Variants in ATP8A2 observed in about 807,000 individuals in gnomAD.
ATP8A2 encodes phospholipid-transporting ATPase IB.
Under a neutral mutation model 165.6 loss-of-function variants are expected in ATP8A2, and 100 were observed. The observed-to-expected ratio is 0.60, with a 90% CI of 0.51 to 0.71. The LOEUF is 0.71. Among genes scored for constraint, ATP8A2 ranks in the 30% least tolerant of loss-of-function variants. The probability of loss-of-function intolerance (pLI) is 0.00; values close to 1 mark genes in which losing one functional copy is unlikely to be tolerated. For missense variants in ATP8A2, 1,227 were observed against 1,479.5 expected (o/e 0.83, Z 2.80); for synonymous variants, 543 against 548.8 (o/e 0.99, Z 0.15).
intron 9 of ATP8A2, 46 bp from the exon 10 acceptor site, chr13:25,543,245 A>C (rs1338588304): frequency 2.4e-6 from 3 of 1,253,320 alleles, no homozygotes; most frequent in Non-Finnish European, 3.5e-6. Flanking sequence ...ACTCATGCTT[A>C]TTTTCCAGAC....
At chr13:25,932,742 T>C (rs1478213549) in intron 33 of ATP8A2, among the ~76,000 whole-genome samples, 1 of 152,246 alleles carries the variant, frequency 6.6e-6, no homozygotes, top group Admixed American at 6.5e-5. Context: ...AAGTCAGTTA[T>C]GAGGTTTAGA....
Position 26,020,090 on chromosome 13 carries a change from G to A in ATP8A2, c.*105G>A. The A allele has an allele frequency of 1.2e-6, 1 of 807,062 alleles. No homozygotes were observed. Among genetic ancestry groups the A allele is most frequent in the South Asian group, 1.6e-5 (1 of 63,102 alleles). The allele number at this position is 807,062 out of a possible 1,614,324, so 50.0% of individuals were successfully genotyped here. A position where few individuals can be genotyped will look rare whatever the true frequency, so the allele number is the denominator to read the frequency against. Reference sequence around the variant, plus strand: ...ACTGGCGTCAGCAGCCAAAACACCAGGAAACACATTTCTGTGGCCTTAGCC... The same window carrying A: ...ACTGGCGTCAGCAGCCAAAACACCAAGAAACACATTTCTGTGGCCTTAGCC... On this transcript the variant is annotated 3_prime_UTR_variant, in exon 37 of 37. Coordinates refer to ENST00000381655, the MANE Select transcript of ATP8A2 (RefSeq NM_016529.6).
At chr13:25,640,230 A>G (rs2041481424) in intron 24 of ATP8A2, among the ~76,000 whole-genome samples, 1 of 152,220 alleles carries the variant, frequency 6.6e-6, no homozygotes, top group South Asian at 2.1e-4. Flanking sequence ...AAAAGCTAGC[A>G]GAAGGCAAGA....
intron 2 of ATP8A2, among the ~76,000 whole-genome samples, chr13:25,508,778 C>A (rs979992040): frequency 1.3e-5 from 2 of 152,208 alleles, no homozygotes; most frequent in African/African-American, 2.4e-5. Flanking sequence ...ATGGTATTTA[C>A]GCTTCAGAAT....
intron 29 of ATP8A2, among the ~76,000 whole-genome samples, chr13:25,838,864 T>TAATAGTTAATAACTATTA (rs1951690056): frequency 6.6e-6 from 1 of 152,192 alleles, no homozygotes; most frequent in Non-Finnish European, 1.5e-5. Flanking sequence ...TTAATAACTC[T>TAATAGTTAATAACTATTA]GTCATCACGG....
intron 25 of ATP8A2, among the ~76,000 whole-genome samples, chr13:25,709,798 C>G (rs940484291): frequency 6.6e-6 from 1 of 151,904 alleles, no homozygotes; most frequent in African/African-American, 2.4e-5. Context: ...GTAGTATTAG[C>G]CTATGCCAAT....
chr13:25,746,677 C>T (rs1224393341), intron 25 of ATP8A2, among the ~76,000 whole-genome samples: 2 of 152,176 alleles, frequency 1.3e-5, no homozygotes, highest in African/African-American at 2.4e-5. Flanking sequence ...CTTCCCTGGA[C>T]GGACGTTATT....
At chr13:25,547,240 C>T (rs936303499) in intron 10 of ATP8A2, among the ~76,000 whole-genome samples, 3 of 151,902 alleles carry the variant, frequency 2.0e-5, no homozygotes, top group African/African-American at 7.3e-5. Context: ...AGCCCCAAGC[C>T]ACAGACTGGT....
At chr13:25,783,324 G>C (rs1028380906) in intron 27 of ATP8A2, among the ~76,000 whole-genome samples, 1 of 152,188 alleles carries the variant, frequency 6.6e-6, no homozygotes, top group Non-Finnish European at 1.5e-5. Flanking sequence ...ATGTTGGTGG[G>C]AAAACTACTT....
chr13:25,455,826 A>G (rs1171144836), intron 1 of ATP8A2, among the ~76,000 whole-genome samples: 2 of 152,176 alleles, frequency 1.3e-5, no homozygotes, highest in East Asian at 1.9e-4. Context: ...GTTATAACAC[A>G]TCTTATTCTA....
At chr13:25,867,520 G>A (rs1332979900) in intron 33 of ATP8A2, among the ~76,000 whole-genome samples, 1 of 152,132 alleles carries the variant, frequency 6.6e-6, no homozygotes, top group Non-Finnish European at 1.5e-5. Flanking sequence ...GAGAGGACTT[G>A]TTTTCAGGTT....
At chr13:25,466,170 T>C (rs1022991915) in intron 1 of ATP8A2, among the ~76,000 whole-genome samples, 3 of 152,210 alleles carry the variant, frequency 2.0e-5, no homozygotes, top group African/African-American at 7.2e-5. Flanking sequence ...TTGCTTGGCA[T>C]TGAGTCATCC....
chr13:25,911,664 G>A (rs1035932305), intron 33 of ATP8A2, among the ~76,000 whole-genome samples: 3 of 152,192 alleles, frequency 2.0e-5, no homozygotes, highest in Admixed American at 2.0e-4. Flanking sequence ...AGGTGGAGAC[G>A]CCGCAGAATG....
chr13:25,441,607 T>C (rs2034933459), intron 1 of ATP8A2, among the ~76,000 whole-genome samples: 2 of 152,230 alleles, frequency 1.3e-5, no homozygotes, highest in South Asian at 4.1e-4. Context: ...ATGATTCTTT[T>C]AGATATACTT....
rs1328546866 is a variant in ATP8A2 at position 25,410,210 on chromosome 13, T to G, written c.76+37922T>G. Among the ~76,000 whole-genome samples, 4 of 151,364 alleles carry G rather than the reference T, an allele frequency of 2.6e-5. No homozygotes were observed. The East Asian group carries it at 5.8e-4, about 22-fold the overall frequency. ...AATTTATGTAGACAGTCCGTAGTGGTTTTTTTTCCCCCTTATGGTAAAGTG... is the reference window on the plus strand; with the variant it reads ...AATTTATGTAGACAGTCCGTAGTGGGTTTTTTTCCCCCTTATGGTAAAGTG... On this transcript the variant is annotated intron_variant, in intron 1 of 36. Transcript: ENST00000381655.
intron 33 of ATP8A2, among the ~76,000 whole-genome samples, chr13:25,892,233 TC>T (rs1352603471): frequency 6.6e-6 from 1 of 151,926 alleles, no homozygotes; most frequent in East Asian, 1.9e-4. Flanking sequence ...CGCCTCAGCC[TC>T]CAAAGTGCTG....
At chr13:25,832,626 C>T (rs1208399117) in intron 28 of ATP8A2, among the ~76,000 whole-genome samples, 1 of 152,040 alleles carries the variant, frequency 6.6e-6, no homozygotes, top group Non-Finnish European at 1.5e-5. Flanking sequence ...GCTACAAAAA[C>T]GTTTGAAGCA....
intron 33 of ATP8A2, among the ~76,000 whole-genome samples, chr13:25,915,178 T>C (rs1954232589): frequency 6.6e-6 from 1 of 152,100 alleles, no homozygotes; most frequent in South Asian, 2.1e-4. Flanking sequence ...GAAATTCTTC[T>C]TTATAGAAAT....
chr13:25,690,778 A>T (rs2042706964), intron 24 of ATP8A2, among the ~76,000 whole-genome samples: 1 of 152,178 alleles, frequency 6.6e-6, no homozygotes, highest in African/African-American at 2.4e-5. Context: ...AGTTTCTGGA[A>T]GGTTAAACAT....
Sources: gnomAD v4.1 joint callset for allele counts (sites outside exome capture counted in the v4.1 genomes callset) on GRCh38, gnomAD v4.1.1 for gene constraint, MANE v1.5 for transcripts, NCBI Gene and HGNC (gene_info 2026-07-23, HGNC 2026-07-21) for gene names.